The following MAP2K3 variants were observed in gnomAD, a reference collection of about 807,000 sequenced individuals.
The protein encoded by MAP2K3 is mitogen-activated protein kinase kinase 3, also known as dual specificity mitogen-activated protein kinase kinase 3.
Under a neutral mutation model 46.4 loss-of-function variants are expected in MAP2K3, and 30 were observed. The observed-to-expected ratio is 0.65, with a 90% confidence interval of 0.48 to 0.88. The LOEUF is 0.88. Ranked by LOEUF, MAP2K3 falls within the 40% of genes least tolerant of loss-of-function variation. The pLI is 0.00. For missense variants in MAP2K3, 380 were observed against 464.5 expected (o/e 0.82, Z 1.67); for synonymous variants, 189 against 176.3 (o/e 1.07, Z -0.57).
chr17:21,301,106 C>T (rs2144577624), intron 5 of MAP2K3, 113 bp downstream of exon 5: 1 of 1,556,966 alleles, frequency 6.4e-7, no homozygotes. Flanking sequence ...ACCTGGCATA[C>T]TGGCAGGAGG....
At chr17:21,301,209 T>G (rs2144578849) in intron 5 of MAP2K3, among the ~76,000 whole-genome samples, 1 of 152,424 alleles carries the variant, frequency 6.6e-6, no homozygotes, top group East Asian at 1.9e-4. Flanking sequence ...CTCCTAAAGT[T>G]GACACGGAAG....
Position 21,284,763 on chromosome 17 carries a change from C to T in MAP2K3, c.-158C>T. On this transcript the variant is annotated 5_prime_UTR_variant, in exon 1 of 12. Coordinates refer to ENST00000342679, the MANE Select transcript of MAP2K3 (RefSeq NM_145109.3). Reference sequence around the variant, plus strand: ...GACTCGTCCTTGCTGCAGTCGCCGCCGCAGTCCTCGCCGCAGTCGCCGCCG... The same window carrying T: ...GACTCGTCCTTGCTGCAGTCGCCGCTGCAGTCCTCGCCGCAGTCGCCGCCG... 3 of 717,034 alleles carry T rather than the reference C, an allele frequency of 4.2e-6. No homozygotes were observed. The highest frequency in any genetic ancestry group is 4.3e-6 in the Non-Finnish European group (2 of 469,108). 44.4% of individuals were successfully genotyped at this position (717,034 alleles called of 1,614,324 possible). A position where few individuals can be genotyped will look rare whatever the true frequency, so the allele number is the denominator to read the frequency against.
At chr17:21,293,217 A>G (rs1181176041) in intron 1 of MAP2K3, among the ~76,000 whole-genome samples, 1 of 152,260 alleles carries the variant, frequency 6.6e-6, no homozygotes, top group Non-Finnish European at 1.5e-5. Flanking sequence ...ATGGGAGGCC[A>G]GGCTGCACCC....
At chr17:21,312,386 G>C (rs1977209693) in intron 10 of MAP2K3, 105 bp downstream of exon 10, 1 of 1,235,562 alleles carries the variant, frequency 8.1e-7, no homozygotes, top group Non-Finnish European at 1.1e-6. Flanking sequence ...TAAACCCCCA[G>C]ATGACTTGGC....
At chr17:21,304,336 G>A in intron 7 of MAP2K3, 90 bp from the exon 8 acceptor site, 3 of 1,599,988 alleles carry the variant, frequency 1.9e-6, no homozygotes, top group Non-Finnish European at 2.6e-6. Flanking sequence ...GGGGTCTTGG[G>A]CGAGGGAGGG....
intron 1 of MAP2K3, among the ~76,000 whole-genome samples, chr17:21,285,530 T>G (rs1350668341): frequency 6.6e-6 from 1 of 151,932 alleles, no homozygotes; most frequent in East Asian, 1.9e-4. Flanking sequence ...CGTCCTTCTC[T>G]CCCCCAGCTC....
At chr17:21,298,783 G>T in intron 2 of MAP2K3, 95 bp from the exon 3 acceptor site, 2 of 1,574,562 alleles carry the variant, frequency 1.3e-6, no homozygotes, top group South Asian at 1.1e-5. Context: ...GAGGCACCTC[G>T]TCCCCACGCC....
intron 6 of MAP2K3, 98 bp from the exon 7 acceptor site, chr17:21,303,085 A>C: frequency 6.7e-7 from 1 of 1,502,528 alleles, no homozygotes; most frequent in Non-Finnish European, 9.1e-7. Context: ...GGAGCGGGAG[A>C]CAGGTGGACA....
At position 21,310,349 on chromosome 17, in the gene MAP2K3, C is replaced by T. The variant is rs543681267; in HGVS notation, c.775-1793C>T. Among the ~76,000 whole-genome samples, 6 of 152,326 alleles carry T rather than the reference C, an allele frequency of 3.9e-5. No individual in the cohort carries two copies. In the East Asian group the frequency reaches 1.2e-3, roughly 29 times the overall value. On this transcript the variant is annotated intron_variant, in intron 9 of 11. Coordinates refer to ENST00000342679, the MANE Select transcript of MAP2K3 (RefSeq NM_145109.3). Reference sequence around the variant, plus strand: ...TAATAGACTCCTGTATGTATCCCTTCCAAAGACTCCATAACCATCTGCCAC... The same window carrying T: ...TAATAGACTCCTGTATGTATCCCTTTCAAAGACTCCATAACCATCTGCCAC...
intron 1 of MAP2K3, among the ~76,000 whole-genome samples, chr17:21,293,454 G>C (rs1976058738): frequency 6.6e-6 from 1 of 152,312 alleles, no homozygotes; most frequent in Non-Finnish European, 1.5e-5. Context: ...CCCTCTGGCA[G>C]CCATGGTTGC....
rs370241403 is a variant in MAP2K3 at position 21,300,910 on chromosome 17, C to A, written c.316C>A (p.Arg106=). The A allele has an allele frequency of 3.7e-6, 6 of 1,614,106 alleles. No individual in the cohort carries two copies. The African/African-American group carries it at 8.0e-5, about 22-fold the overall frequency. The change falls in exon 5 of 12, where the codon CGG becomes AGG. Residue 106 remains arginine (R), a synonymous_variant. Coordinates refer to ENST00000342679, the MANE Select transcript of MAP2K3 (RefSeq NM_145109.3). ...RATVNSQEQK[R]LLMDLDINMR... Reference sequence around the variant, plus strand: ...CACCGTGAACTCACAGGAGCAGAAGCGGCTGCTCATGGACCTGGACATCAA... The same window carrying A: ...CACCGTGAACTCACAGGAGCAGAAGAGGCTGCTCATGGACCTGGACATCAA...
intron 1 of MAP2K3, among the ~76,000 whole-genome samples, chr17:21,297,769 GC>G (rs1388396369): frequency 1.5e-3 from 2 of 1,332 alleles, no homozygotes; most frequent in Non-Finnish European, 4.2e-3. Context: ...GGAAGGTACT[GC>G]CCCGGGACTC....
intron 1 of MAP2K3, among the ~76,000 whole-genome samples, chr17:21,293,566 T>C (rs1976067790): frequency 6.6e-6 from 1 of 152,310 alleles, no homozygotes; most frequent in Non-Finnish European, 1.5e-5. Flanking sequence ...GCCAGGTGGA[T>C]AGTCTGGGGA....
intron 1 of MAP2K3, chr17:21,298,210 G>C: frequency 1.3e-6 from 1 of 793,052 alleles, no homozygotes; most frequent in Non-Finnish European, 2.2e-6. Flanking sequence ...GCCTGGGTCT[G>C]TCCTGCTCTG....
intron 5 of MAP2K3, 41 bp downstream of exon 5, chr17:21,301,034 A>T: frequency 6.2e-7 from 1 of 1,613,438 alleles, no homozygotes; most frequent in Non-Finnish European, 8.5e-7. Context: ...TCCACCTCCC[A>T]CCCATCAGTC....
At chr17:21,295,569 GT>G in intron 1 of MAP2K3, 3 of 1,260,794 alleles carry the variant, frequency 2.4e-6, no homozygotes, top group Non-Finnish European at 3.1e-6. Context: ...CCTGAGGCCT[GT>G]TTCTAGGCTG....
intron 9 of MAP2K3, chr17:21,311,898 A>G (rs942913050): frequency 2.3e-6 from 1 of 434,400 alleles, no homozygotes; most frequent in African/African-American, 2.1e-5. Flanking sequence ...TGGTCCCACC[A>G]GTCCCGGTGT....
chr17:21,298,786 C>T (rs1976416716), intron 2 of MAP2K3, 92 bp from the exon 3 acceptor site: 3 of 1,592,176 alleles, frequency 1.9e-6, no homozygotes, highest in Non-Finnish European at 2.6e-6. Context: ...GCACCTCGTC[C>T]CCACGCCAGG....
chr17:21,288,179 G>C (rs1306692833), intron 1 of MAP2K3: 3 of 1,057,232 alleles, frequency 2.8e-6, no homozygotes, highest in Non-Finnish European at 3.8e-6. Flanking sequence ...CTGCCAGCCT[G>C]GTGGGTGGGG....
Sources: allele counts gnomAD v4.1 joint callset (sites outside exome capture counted in the v4.1 genomes callset), GRCh38; gene constraint gnomAD v4.1.1; transcripts MANE v1.5; gene names NCBI Gene and HGNC (gene_info 2026-07-23, HGNC 2026-07-21).